Variants in MYO18B observed in about 807,000 individuals in gnomAD.
MYO18B encodes unconventional myosin-XVIIIb.
MYO18B carries 204 observed loss-of-function variants against 273.0 expected under a neutral mutation model. The observed-to-expected ratio is 0.75, with a 90% CI of 0.67 to 0.84. MYO18B has a LOEUF of 0.84. Among genes scored for constraint, MYO18B ranks in the 40% least tolerant of loss-of-function variants. The pLI, the probability that MYO18B is intolerant of heterozygous loss-of-function variation, is 0.00. For missense variants in MYO18B, 3,212 were observed against 3,287.6 expected (o/e 0.98, Z 0.56); for synonymous variants, 1,330 against 1,305.7 (o/e 1.02, Z -0.40).
At chr22:26,051,526 TAAGGA>T in the MYO18B span, among the ~76,000 whole-genome samples, 1 of 152,188 alleles carries the variant, frequency 6.6e-6, no homozygotes, top group Non-Finnish European at 1.5e-5. Flanking sequence ...ACATAGCTAA[TAAGGA>T]AAGAGATGGG....
chr22:25,987,796 T>C (rs1257470163), intron 39 of MYO18B, among the ~76,000 whole-genome samples: 1 of 152,204 alleles, frequency 6.6e-6, no homozygotes. Context: ...ATATATAATA[T>C]ATACCAGGAT....
chr22:25,772,213 T>C (rs2086745680), intron 6 of MYO18B, 121 bp from the exon 7 acceptor site: 7 of 878,012 alleles, frequency 8.0e-6, no homozygotes, highest in Non-Finnish European at 1.2e-5. Context: ...TCTGTTCTGG[T>C]CTTTGGCACA....
At chr22:25,780,219 T>G in intron 9 of MYO18B, 21 bp downstream of exon 9, 1 of 1,592,470 alleles carries the variant, frequency 6.3e-7, no homozygotes, top group Non-Finnish European at 8.5e-7. Context: ...TCGGGGGATG[T>G]GCAAGGGGGC....
intron 43 of MYO18B, among the ~76,000 whole-genome samples, chr22:26,028,167 C>G: frequency 6.7e-6 from 1 of 149,870 alleles, no homozygotes; most frequent in East Asian, 2.0e-4. Flanking sequence ...ATCGCTTGAA[C>G]CAGGGAGGCA....
chr22:26,020,793 A>G (rs925186944), intron 42 of MYO18B, among the ~76,000 whole-genome samples: 2 of 152,140 alleles, frequency 1.3e-5, no homozygotes, highest in Non-Finnish European at 2.9e-5. Flanking sequence ...TCAGGCTTCA[A>G]AAGATAACTG....
At chr22:25,823,755 A>G in intron 13 of MYO18B, 77 bp downstream of exon 13, 1 of 1,448,914 alleles carries the variant, frequency 6.9e-7, no homozygotes, top group Non-Finnish European at 9.5e-7. Flanking sequence ...GCATTCTTTA[A>G]CTTTTTTATC....
chr22:25,979,498 C>G (rs1293480872), intron 39 of MYO18B, among the ~76,000 whole-genome samples: 1 of 152,002 alleles, frequency 6.6e-6, no homozygotes, highest in East Asian at 1.9e-4. Context: ...TGGAGTTTAC[C>G]CCAGGTCAGG....
chr22:25,834,096 G>A (rs1240304319), intron 16 of MYO18B, among the ~76,000 whole-genome samples: 1 of 152,102 alleles, frequency 6.6e-6, no homozygotes, highest in Non-Finnish European at 1.5e-5. Context: ...TGGGAAGGGC[G>A]GGGTAGTCTC....
chr22:25,961,583 G>A (rs567515708), intron 39 of MYO18B, among the ~76,000 whole-genome samples: 9 of 152,282 alleles, frequency 5.9e-5, no homozygotes, highest in African/African-American at 1.4e-4. Context: ...TCATTACAGC[G>A]ATGAAGCAAC....
intron 28 of MYO18B, among the ~76,000 whole-genome samples, chr22:25,895,963 G>A (rs760838677): frequency 1.3e-5 from 2 of 150,904 alleles, no homozygotes; most frequent in African/African-American, 2.4e-5. Context: ...TTTTGTGTGT[G>A]TATTTAGCTA....
At chr22:25,921,641 T>C (rs1358596680) in intron 34 of MYO18B, among the ~76,000 whole-genome samples, 1 of 152,106 alleles carries the variant, frequency 6.6e-6, no homozygotes. Context: ...GGCAGAATTC[T>C]TCTGTCTGGA....
At chr22:26,016,947 A>C (rs1238092082) in intron 42 of MYO18B, among the ~76,000 whole-genome samples, 1 of 152,120 alleles carries the variant, frequency 6.6e-6, no homozygotes, top group African/African-American at 2.4e-5. Context: ...AATATAGAAT[A>C]ATGGTTTATG....
intron 42 of MYO18B, among the ~76,000 whole-genome samples, chr22:26,016,877 T>C (rs114538167): frequency 0.015 from 2,282 of 152,346 alleles, 53 homozygotes; most frequent in African/African-American, 0.052. Context: ...TGGGGGAAGC[T>C]ACAGTTGGGC....
chr22:25,984,033 C>T (rs2093175571), intron 39 of MYO18B, among the ~76,000 whole-genome samples: 1 of 152,210 alleles, frequency 6.6e-6, no homozygotes, highest in African/African-American at 2.4e-5. Context: ...CACCAGCAGC[C>T]CTCGTATTTC....
chr22:25,797,259 G>A (rs1601722943), intron 11 of MYO18B, among the ~76,000 whole-genome samples: 1 of 152,086 alleles, frequency 6.6e-6, no homozygotes, highest in Admixed American at 6.6e-5. Flanking sequence ...AACTGCTTCC[G>A]TCGACCACCT....
At chr22:25,994,097 A>G (rs1390627356) in intron 40 of MYO18B, among the ~76,000 whole-genome samples, 1 of 152,056 alleles carries the variant, frequency 6.6e-6, no homozygotes, top group East Asian at 1.9e-4. Context: ...CTGCTGAGGG[A>G]TTTGTAACCT....
At chr22:25,983,276 G>C (rs1041034876) in intron 39 of MYO18B, 2 of 152,222 alleles carry the variant, frequency 1.3e-5, no homozygotes, top group Non-Finnish European at 2.9e-5. Context: ...GGCTGAGGCA[G>C]GAGGATCATC....
chr22:25,879,326 A>G (rs886892166), intron 25 of MYO18B, among the ~76,000 whole-genome samples: 1 of 8,268 alleles, frequency 1.2e-4, no homozygotes, highest in Non-Finnish European at 2.8e-4. Context: ...GTGTATCAAC[A>G]TGCATGTATT....
At chr22:25,913,251 G>A (rs142825911) in intron 33 of MYO18B, among the ~76,000 whole-genome samples, 1 of 152,368 alleles carries the variant, frequency 6.6e-6, no homozygotes, top group South Asian at 2.1e-4. Context: ...CCACCAACAT[G>A]TGGCACTGTC....
Sources: allele counts gnomAD v4.1 joint callset (sites outside exome capture counted in the v4.1 genomes callset), GRCh38; gene constraint gnomAD v4.1.1; transcripts MANE v1.5; gene names NCBI Gene and HGNC (gene_info 2026-07-23, HGNC 2026-07-21).